The following PTPRO variants were observed in gnomAD, a reference collection of about 807,000 sequenced individuals.
The protein encoded by PTPRO is protein tyrosine phosphatase receptor type O, also known as receptor-type tyrosine-protein phosphatase O.
Under a neutral mutation model 145.2 loss-of-function variants are expected in PTPRO, and 62 were observed. The ratio of observed to expected loss-of-function variants is 0.43; its 90% CI spans 0.35 to 0.53. The LOEUF is 0.53. Among genes scored for constraint, PTPRO ranks in the 20% least tolerant of loss-of-function variants. The probability of loss-of-function intolerance (pLI) is 0.01; values close to 1 mark genes in which losing one functional copy is unlikely to be tolerated. For synonymous variants in PTPRO, 565 were observed against 514.7 expected (o/e 1.10, Z -1.32); for missense variants, 1,345 against 1,482.7 (o/e 0.91, Z 1.53).
chr12:15,472,489 ACT>A (rs1362139747), intron 1 of PTPRO, among the ~76,000 whole-genome samples: 2 of 152,034 alleles, frequency 1.3e-5, no homozygotes, highest in Non-Finnish European at 2.9e-5. Context: ...TGATCTAAAC[ACT>A]CTAGAGGTCT....
At chr12:15,367,686 TC>T (rs1278328329) in intron 1 of PTPRO, among the ~76,000 whole-genome samples, 1 of 152,140 alleles carries the variant, frequency 6.6e-6, no homozygotes, top group Non-Finnish European at 1.5e-5. Context: ...CCAGTAGTCT[TC>T]CCCATCTCAG....
At chr12:15,473,003 C>T (rs924781864) in intron 1 of PTPRO, among the ~76,000 whole-genome samples, 4 of 152,158 alleles carry the variant, frequency 2.6e-5, no homozygotes, top group African/African-American at 7.2e-5. Flanking sequence ...GGAAGGGGAC[C>T]AGGTGCCATG....
At chr12:15,325,025 T>C (rs1321713745) in intron 1 of PTPRO, among the ~76,000 whole-genome samples, 2 of 152,158 alleles carry the variant, frequency 1.3e-5, no homozygotes, top group African/African-American at 2.4e-5. Flanking sequence ...AATACCAAAC[T>C]GCTAACTGTA....
chr12:15,408,375 C>T (rs1179073445), intron 1 of PTPRO, among the ~76,000 whole-genome samples: 2 of 152,096 alleles, frequency 1.3e-5, no homozygotes, highest in Non-Finnish European at 2.9e-5. Context: ...TTCTTTATGT[C>T]GTGTTGAGAA....
chr12:15,574,526 G>A (rs1395772142), intron 19 of PTPRO, among the ~76,000 whole-genome samples: 3 of 152,232 alleles, frequency 2.0e-5, no homozygotes, highest in African/African-American at 7.2e-5. Context: ...AACTGGCCAT[G>A]CAGTTCACAA....
intron 1 of PTPRO, among the ~76,000 whole-genome samples, chr12:15,358,822 C>T (rs181382248): frequency 2.0e-5 from 3 of 152,304 alleles, no homozygotes; most frequent in African/African-American, 4.8e-5. Flanking sequence ...AGGCCAACAT[C>T]GAAAGTTTGT....
chr12:15,511,947 G>A (rs1369948660), intron 7 of PTPRO, among the ~76,000 whole-genome samples: 2 of 152,036 alleles, frequency 1.3e-5, no homozygotes, highest in Admixed American at 6.5e-5. Flanking sequence ...CAAAAGAAAG[G>A]AACCTTAACA....
At chr12:15,332,755 C>A (rs1202844060) in intron 1 of PTPRO, among the ~76,000 whole-genome samples, 1 of 152,188 alleles carries the variant, frequency 6.6e-6, no homozygotes, top group Non-Finnish European at 1.5e-5. Flanking sequence ...CACCTTCAGA[C>A]AACAGTTTTG....
rs1944630553 is a variant in PTPRO, at chr12:15,595,025, A to G, written c.3635A>G (p.Asn1212Ser). 6.2e-7 allele frequency: 1 copy of G among 1,613,444 alleles called. No individual in the cohort carries two copies. The highest frequency in any genetic ancestry group is 8.5e-7 in the Non-Finnish European group (1 of 1,179,590). Residue 1212 changes from asparagine (N) to serine (S), a missense_variant, in exon 26 of 27, where the codon AAT (asparagine) becomes AGT (serine). Physicochemically the swap from Asn to Ser is conservative, Grantham distance 46. Transcript: ENST00000281171. ...QFCISDVIYE[N>S]VSKS Reference sequence around the variant, plus strand: ...TGCATCAGTGATGTCATATACGAGAATGTTAGCAAGTCCTAGTTCAGAATC... The same window carrying G: ...TGCATCAGTGATGTCATATACGAGAGTGTTAGCAAGTCCTAGTTCAGAATC...
intron 1 of PTPRO, among the ~76,000 whole-genome samples, chr12:15,395,616 C>T (rs1314686366): frequency 6.6e-6 from 1 of 151,904 alleles, no homozygotes; most frequent in Non-Finnish European, 1.5e-5. Flanking sequence ...TTTCTTATTG[C>T]TGGTGGCTTA....
rs867265005 is a variant in PTPRO at position 15,411,456 on chromosome 12, A to G, written c.76-72518A>G. On this transcript the variant is annotated intron_variant, in intron 1 of 26. Coordinates refer to ENST00000281171, the MANE Select transcript of PTPRO (RefSeq NM_030667.3). Reference sequence around the variant, plus strand: ...CACATTCTTTGTTCTTCCTGGACATATGCCTTTTGCTTAGAATGGGAACAG... The same window carrying G: ...CACATTCTTTGTTCTTCCTGGACATGTGCCTTTTGCTTAGAATGGGAACAG... Among the ~76,000 whole-genome samples the G allele has an allele frequency of 8.5e-5, 13 of 152,374 alleles. No individual in the cohort carries two copies. In the South Asian group the frequency reaches 1.9e-3, roughly 22 times the overall value.
chr12:15,371,171 T>G (rs1355680318), intron 1 of PTPRO, among the ~76,000 whole-genome samples: 1 of 152,184 alleles, frequency 6.6e-6, no homozygotes, highest in African/African-American at 2.4e-5. Context: ...TTGTAAAACT[T>G]GTAGTACTTT....
At chr12:15,511,512 A>G (rs763973194) in intron 7 of PTPRO, among the ~76,000 whole-genome samples, 1 of 152,250 alleles carries the variant, frequency 6.6e-6, no homozygotes, top group Non-Finnish European at 1.5e-5. Context: ...TATTTTAAAA[A>G]GTATAATATC....
intron 7 of PTPRO, among the ~76,000 whole-genome samples, chr12:15,514,363 A>G (rs752848695): frequency 1.9e-4 from 29 of 151,732 alleles, no homozygotes; most frequent in Non-Finnish European, 4.1e-4. Flanking sequence ...GAGGCAGGAG[A>G]AATGCTTGAA....
chr12:15,323,513 G>A lies in PTPRO; in HGVS notation c.75+712G>A, dbSNP rs375975673. Among the ~76,000 whole-genome samples, 65 of 152,294 alleles carry A rather than the reference G, an allele frequency of 4.3e-4. 1 individual carries two copies. The South Asian group carries it at 0.012, about 28-fold the overall frequency. ...CCTGAGGTTTTACTTTGAGAAAAAT[G>A]AAAAGCAAAGGAGTTGCTTTTGAAA... On this transcript the variant is annotated intron_variant, in intron 1 of 26. Coordinates refer to ENST00000281171, the MANE Select transcript of PTPRO (RefSeq NM_030667.3).
At chr12:15,409,499 T>A (rs888724484) in intron 1 of PTPRO, among the ~76,000 whole-genome samples, 1 of 152,198 alleles carries the variant, frequency 6.6e-6, no homozygotes, top group Non-Finnish European at 1.5e-5. Flanking sequence ...GTCTTATATA[T>A]AACAAGCTGT....
Position 15,515,708 on chromosome 12 carries a change from G to A in PTPRO, c.1585+90G>A, listed in dbSNP as rs118114059. 29,217 of 1,537,690 alleles carry A rather than the reference G, an allele frequency of 0.019. 346 individuals carry two copies. The highest frequency in any genetic ancestry group is 0.022 in the Non-Finnish European group (24,541 of 1,111,952). On this transcript the variant is annotated intron_variant, in intron 8 of 26. Coordinates refer to ENST00000281171, the MANE Select transcript of PTPRO (RefSeq NM_030667.3). ...TGTGCGAGCTCAAATCATTATCATC[G>A]TATTTGGAAGGTCCATATTAGTTCA... is the stretch of plus-strand genomic sequence containing the variant.
intron 1 of PTPRO, among the ~76,000 whole-genome samples, chr12:15,396,506 A>T (rs571933172): frequency 6.6e-6 from 1 of 152,294 alleles, no homozygotes; most frequent in Non-Finnish European, 1.5e-5. Flanking sequence ...TTTTATAGTA[A>T]AGTATTAACT....
intron 12 of PTPRO, among the ~76,000 whole-genome samples, chr12:15,528,522 C>CA (rs34411111): frequency 0.018 from 2,386 of 130,196 alleles, 56 homozygotes; most frequent in African/African-American, 0.056. Context: ...AAGAATCTGT[C>CA]AAAAAAAAAA....
Sources: gnomAD v4.1 joint callset for allele counts (sites outside exome capture counted in the v4.1 genomes callset) on GRCh38, gnomAD v4.1.1 for gene constraint, MANE v1.5 for transcripts, NCBI Gene and HGNC (gene_info 2026-07-23, HGNC 2026-07-21) for gene names.